Variants in EPHA6 observed in about 807,000 individuals in gnomAD.
The protein encoded by EPHA6 is EPH receptor A6.
In EPHA6, 50 loss-of-function variants were observed where a neutral mutation model predicts 112.0. The ratio of observed to expected loss-of-function variants is 0.45; its 90% CI spans 0.36 to 0.56. The LOEUF (loss-of-function observed/expected upper bound fraction) is 0.56. EPHA6 is among the 20% of genes least tolerant of loss of function. The pLI is 0.00. For missense variants in EPHA6, 1,280 were observed against 1,417.4 expected (o/e 0.90, Z 1.56); for synonymous variants, 529 against 490.7 (o/e 1.08, Z -1.03).
chr3:96,853,031 C>G (rs1414724869), intron 1 of EPHA6, among the ~76,000 whole-genome samples: 1 of 152,086 alleles, frequency 6.6e-6, no homozygotes, highest in African/African-American at 2.4e-5. Flanking sequence ...ATTTTGACTT[C>G]CGCATTCAGA....
In EPHA6 at chr3:97,327,865, ATATATATATGTATATGTGTG is replaced by A. The variant is rs1442223812; in HGVS notation, c.1607-77246_1607-77227del. On this transcript the variant is annotated intron_variant, in intron 5 of 17. Transcript: ENST00000389672. ...TATATATATATATGTATATGTGTGT[ATATATATATGTATATGTGTG>A]TATATATATGTATATGTGTGTATAT... is the stretch of plus-strand genomic sequence containing the variant. Among the ~76,000 whole-genome samples, 27 of 147,314 alleles carry A rather than the reference ATATATATATGTATATGTGTG, an allele frequency of 1.8e-4. No homozygotes were observed. In the South Asian group the frequency reaches 3.2e-3, roughly 17 times the overall value.
chr3:97,455,281 T>A (rs543780482), intron 7 of EPHA6, among the ~76,000 whole-genome samples: 16 of 152,172 alleles, frequency 1.1e-4, no homozygotes, highest in South Asian at 6.2e-4. Context: ...ATCACTTTTT[T>A]AAAATCTTTT....
chr3:97,112,477 A>G (rs1472235574), intron 3 of EPHA6, among the ~76,000 whole-genome samples: 3 of 152,170 alleles, frequency 2.0e-5, no homozygotes, highest in Non-Finnish European at 4.4e-5. Flanking sequence ...AGAGGGGAAG[A>G]AAAGCCAAGT....
chr3:97,576,204 G>A (rs1322076475), intron 11 of EPHA6, among the ~76,000 whole-genome samples: 3 of 152,104 alleles, frequency 2.0e-5, no homozygotes, highest in African/African-American at 7.2e-5. Context: ...CTCTATAGAA[G>A]AGGTTAATGG....
intron 4 of EPHA6, among the ~76,000 whole-genome samples, chr3:97,231,292 A>G (rs1329756358): frequency 6.6e-6 from 1 of 152,112 alleles, no homozygotes; most frequent in East Asian, 1.9e-4. Context: ...TCTCTCTTCT[A>G]CTTTTTTAAG....
At chr3:96,888,169 A>G (rs536477825) in intron 2 of EPHA6, among the ~76,000 whole-genome samples, 1 of 152,160 alleles carries the variant, frequency 6.6e-6, no homozygotes, top group East Asian at 1.9e-4. Flanking sequence ...CTCCCTGTGG[A>G]ATTTTACCCC....
At chr3:97,651,497 A>G (rs2094107227) in intron 14 of EPHA6, among the ~76,000 whole-genome samples, 1 of 152,106 alleles carries the variant, frequency 6.6e-6, no homozygotes, top group African/African-American at 2.4e-5. Context: ...TTTAATATTT[A>G]TAAATATCTG....
At chr3:97,139,561 T>C (rs1033043916) in intron 3 of EPHA6, among the ~76,000 whole-genome samples, 1 of 152,048 alleles carries the variant, frequency 6.6e-6, no homozygotes, top group African/African-American at 2.4e-5. Flanking sequence ...AGAAAGCCAC[T>C]ATACTAAGGA....
intron 10 of EPHA6, among the ~76,000 whole-genome samples, chr3:97,516,282 A>G (rs1255944205): frequency 3.3e-5 from 5 of 152,202 alleles, no homozygotes; most frequent in African/African-American, 7.2e-5. Context: ...CTAACTTCTA[A>G]GATCGTGTCC....
intron 5 of EPHA6, among the ~76,000 whole-genome samples, chr3:97,326,280 T>TG (rs1309393023): frequency 6.6e-6 from 1 of 151,884 alleles, no homozygotes; most frequent in Non-Finnish European, 1.5e-5. Context: ...AATGTACAGA[T>TG]AGACAACAGC....
intron 10 of EPHA6, among the ~76,000 whole-genome samples, chr3:97,521,917 C>CT (rs2092549438): frequency 7.8e-6 from 1 of 128,978 alleles, no homozygotes; most frequent in Non-Finnish European, 1.6e-5. Context: ...TCTGGAGAGC[C>CT]TTTTTCAAAA....
chr3:97,092,287 G>A (rs1329959179), intron 3 of EPHA6, among the ~76,000 whole-genome samples: 6 of 151,860 alleles, frequency 4.0e-5, no homozygotes, highest in African/African-American at 7.3e-5. Context: ...TGAGCAATGG[G>A]GATATCATAG....
chr3:97,564,387 A>G (rs1348945465), intron 11 of EPHA6, among the ~76,000 whole-genome samples: 1 of 152,180 alleles, frequency 6.6e-6, no homozygotes, highest in Non-Finnish European at 1.5e-5. Flanking sequence ...TATAATAGTC[A>G]TAATAATTCT....
chr3:97,097,424 A>G (rs2047273308), intron 3 of EPHA6, among the ~76,000 whole-genome samples: 1 of 151,846 alleles, frequency 6.6e-6, no homozygotes, highest in African/African-American at 2.4e-5. Flanking sequence ...TAAACAAAAC[A>G]AAACAAAACA....
At chr3:97,673,618 G>C (rs773041250) in intron 14 of EPHA6, among the ~76,000 whole-genome samples, 14 of 152,152 alleles carry the variant, frequency 9.2e-5, no homozygotes, top group Non-Finnish European at 1.3e-4. Flanking sequence ...TGTAATTTGA[G>C]GACAGCGAAC....
At chr3:97,674,195 T>G (rs1209034693) in intron 14 of EPHA6, among the ~76,000 whole-genome samples, 1 of 152,190 alleles carries the variant, frequency 6.6e-6, no homozygotes, top group Non-Finnish European at 1.5e-5. Flanking sequence ...TGTGTTTCCT[T>G]TTTAAGTACC....
chr3:97,211,385 C>T (rs2077870421), intron 3 of EPHA6, among the ~76,000 whole-genome samples: 1 of 152,056 alleles, frequency 6.6e-6, no homozygotes, highest in African/African-American at 2.4e-5. Flanking sequence ...CTTTTATTCC[C>T]ATTGTCTTAG....
At chr3:96,885,396 A>G (rs1021888142) in intron 2 of EPHA6, among the ~76,000 whole-genome samples, 6 of 151,940 alleles carry the variant, frequency 3.9e-5, no homozygotes, top group Admixed American at 2.0e-4. Context: ...TACCATTTCA[A>G]TCTCGCTGCT....
chr3:97,259,510 A>G (rs1016279485), intron 5 of EPHA6, among the ~76,000 whole-genome samples: 12 of 152,198 alleles, frequency 7.9e-5, no homozygotes, highest in African/African-American at 2.7e-4. Context: ...TCAACAATAT[A>G]ATGTAAGCTC....
Sources: allele counts gnomAD v4.1 joint callset (sites outside exome capture counted in the v4.1 genomes callset), GRCh38; gene constraint gnomAD v4.1.1; transcripts MANE v1.5; gene names NCBI Gene and HGNC (gene_info 2026-07-23, HGNC 2026-07-21).